Variants in IRX2 observed in about 807,000 individuals in gnomAD.
The protein encoded by IRX2 is iroquois homeobox 2, also known as iroquois-class homeodomain protein IRX-2.
In IRX2, 26 loss-of-function variants were observed where a neutral mutation model predicts 42.9. The ratio of observed to expected loss-of-function variants is 0.61; its 90% CI spans 0.44 to 0.84. The LOEUF is 0.84. Among genes scored for constraint, IRX2 ranks in the 40% least tolerant of loss-of-function variants. The pLI is 0.00. For synonymous variants in IRX2, 424 were observed against 353.9 expected (o/e 1.20, Z -2.22); for missense variants, 782 against 713.9 (o/e 1.10, Z -1.09).
chr5:2,743,954 T>C (rs1737600674), downstream of IRX2, among the ~76,000 whole-genome samples: 2 of 152,202 alleles, frequency 1.3e-5, no homozygotes, highest in African/African-American at 4.8e-5. Flanking sequence ...GTTATGGAAA[T>C]CTTTAATAAT....
At position 2,749,333 on chromosome 5, in the gene IRX2, CCTGGGAAGAAAGCGCCCCGA is replaced by C. The variant is rs761573519; in HGVS notation, c.655+29_655+48del. On this transcript the variant is annotated intron_variant, in intron 2 of 3. Transcript: ENST00000302057. ...CTCCCCGCCTTAGCTCTGCGCCCCG[CCTGGGAAGAAAGCGCCCCGA>C]GACCTTGCGCCGGCCGCTGCCCGCT... is the stretch of plus-strand genomic sequence containing the variant. 43 of 1,543,062 alleles carry C rather than the reference CCTGGGAAGAAAGCGCCCCGA, an allele frequency of 2.8e-5. No individual in the cohort carries two copies. The African/African-American group carries it at 5.5e-4, about 20-fold the overall frequency.
the IRX2 span, among the ~76,000 whole-genome samples, chr5:2,737,565 G>A: frequency 6.6e-6 from 1 of 152,180 alleles, no homozygotes. Context: ...CAGGTCTCGA[G>A]TGCTGTCCTC....
In IRX2 at chr5:2,749,530, G is replaced by C. The variant is rs1209626446; in HGVS notation, c.507C>G (p.Arg169=). 2.5e-6 allele frequency: 4 copies of C among 1,614,118 alleles called. No homozygotes were observed. The highest frequency in any genetic ancestry group is 1.3e-5 in the African/African-American group (1 of 74,944). ...TQVSTWFANA[R]RRLKKENKMT... is the part of the protein sequence containing the mutation. ...TCTTGTTCTCCTTCTTGAGGCGCCG[G>C]CGCGCGTTGGCGAACCAGGTGGAGA... Residue 169 remains arginine (R), a synonymous_variant, in exon 2 of 4, where the codon CGC becomes CGG. Transcript: ENST00000302057.
Position 2,748,332 on chromosome 5 carries a change from G to A in IRX2, c.1363+13C>T, listed in dbSNP as rs1000678137. 18 of 1,390,600 alleles carry A rather than the reference G, an allele frequency of 1.3e-5. No homozygotes were observed. The African/African-American group carries it at 2.4e-4, about 19-fold the overall frequency. 86.1% of individuals were successfully genotyped at this position (1,390,600 alleles called of 1,614,324 possible). A position where few individuals can be genotyped will look rare whatever the true frequency, so the allele number is the denominator to read the frequency against. On this transcript the variant is annotated intron_variant, in intron 3 of 3. Transcript: ENST00000302057. Reference sequence around the variant, plus strand: ...CCTCCCCTCCCGGGCGCCGCCGGCCGCGGGCCGCCTACCTTTCTTGGGCTC... The same window carrying A: ...CCTCCCCTCCCGGGCGCCGCCGGCCACGGGCCGCCTACCTTTCTTGGGCTC...
Position 2,749,757 on chromosome 5 carries a change from T to A in IRX2, c.280A>T (p.Met94Leu), listed in dbSNP as rs775816432. The A allele has an allele frequency of 3.1e-6, 5 of 1,611,158 alleles. No homozygotes were observed. The South Asian group carries it at 5.5e-5, about 18-fold the overall frequency. The stretch of plus-strand genomic sequence containing the variant: ...GGGTGGTAGCTGATGGCGCCGGTCA[T>A]GCCGGTGGTGTGCGCGTCGTAGGGT... ...GAPYDAHTTG[M>L]TGAISYHPYG... The change falls in exon 2 of 4, where the codon ATG (methionine) becomes TTG (leucine). Residue 94 changes from methionine to leucine, a missense_variant. This residue lies in a region of IRX2 where 256 missense variants were observed against 250.0 expected (regional missense o/e 1.02). Coordinates refer to ENST00000302057, the MANE Select transcript of IRX2 (RefSeq NM_033267.5).
At position 2,748,534 on chromosome 5, in the gene IRX2, A is replaced by G. The variant is rs1469395270; in HGVS notation, c.1174T>C (p.Tyr392His). Residue 392 changes from tyrosine to histidine, a missense_variant, in exon 3 of 4, where the codon TAC becomes CAC. Transcript: ENST00000302057. ...LYYTSPFYGN[Y>H]TNYGNLNAAL... is the part of the protein sequence containing the mutation. ...GCGTTCAAGTTCCCGTAGTTTGTGT[A>G]GTTGCCGTAGAAGGGCGACGTGTAG... 1.3e-6 allele frequency: 2 copies of G among 1,579,322 alleles called. No homozygotes were observed. Among genetic ancestry groups the G allele is most frequent in the Non-Finnish European group, 1.7e-6 (2 of 1,164,126 alleles).
chr5:2,736,211 G>A, the IRX2 span, among the ~76,000 whole-genome samples: 1 of 152,182 alleles, frequency 6.6e-6, no homozygotes, highest in Non-Finnish European at 1.5e-5. Flanking sequence ...GTGGGAGGAT[G>A]AGGTTCAGCA....
In IRX2 at chr5:2,748,482, C is replaced by G; in HGVS notation, c.1226G>C (p.Arg409Pro). The G allele has an allele frequency of 1.3e-6, 2 of 1,578,502 alleles. No individual in the cohort carries two copies. The highest frequency in any genetic ancestry group is 1.7e-6 in the Non-Finnish European group (2 of 1,164,556). Residue 409 changes from arginine (R) to proline (P), a missense_variant, in exon 3 of 4, where the codon CGG becomes CCG. Transcript: ENST00000302057. The part of the protein sequence containing the change: ...NAALQGQGLL[R>P]YNSAAAAPGE... ...GGGGGCCGCGGCCGCAGAGTTGTAC[C>G]GCAGGAGACCCTGGCCCTGCAGCGC...
At chr5:2,739,367 C>G in the IRX2 span, among the ~76,000 whole-genome samples, 1 of 152,236 alleles carries the variant, frequency 6.6e-6, no homozygotes, top group Admixed American at 6.5e-5. Flanking sequence ...TCGGTGTCCA[C>G]TGCCCGCCTG....
In IRX2 at chr5:2,749,766, T is replaced by G; in HGVS notation, c.271A>C (p.Thr91Pro). Residue 91 changes from threonine (T) to proline (P), a missense_variant, in exon 2 of 4, where the codon ACC becomes CCC. By Grantham distance (38) the Thr-to-Pro change is conservative (BLOSUM62 -1). Transcript: ENST00000302057. ...CTGATGGCGCCGGTCATGCCGGTGGTGTGCGCGTCGTAGGGTGCGCCCTGG... is the reference window on the plus strand; with the variant it reads ...CTGATGGCGCCGGTCATGCCGGTGGGGTGCGCGTCGTAGGGTGCGCCCTGG... ...SYMGAPYDAH[T>P]TGMTGAISYH... The G allele has an allele frequency of 1.2e-6, 2 of 1,609,618 alleles. No individual in the cohort carries two copies. Among genetic ancestry groups the G allele is most frequent in the Non-Finnish European group, 1.7e-6 (2 of 1,177,782 alleles).
Position 2,747,426 on chromosome 5 carries a change from C to A in IRX2, c.*138G>T. ...CCCCCTTAAGGAAAGAAAAGCTGGA[C>A]AAGATTGAAATGCTCTGTCTTCTAA... is the stretch of plus-strand genomic sequence containing the variant. On this transcript the variant is annotated 3_prime_UTR_variant, in exon 4 of 4. Transcript: ENST00000302057. 2 of 619,024 alleles carry A rather than the reference C, an allele frequency of 3.2e-6. No individual in the cohort carries two copies. The highest frequency in any genetic ancestry group is 2.9e-5 in the Admixed American group (1 of 34,250). 38.3% of individuals were successfully genotyped at this position (619,024 alleles called of 1,614,324 possible).
the IRX2 span, among the ~76,000 whole-genome samples, chr5:2,739,895 C>A: frequency 2.0e-5 from 3 of 152,124 alleles, no homozygotes; most frequent in African/African-American, 4.8e-5. Context: ...GGTCCCGCTG[C>A]GGCTTCAGGC....
At chr5:2,736,484 G>T in the IRX2 span, among the ~76,000 whole-genome samples, 1 of 152,168 alleles carries the variant, frequency 6.6e-6, no homozygotes, top group Non-Finnish European at 1.5e-5. Context: ...CTTTGAATAT[G>T]CTAGAAGAAA....
rs1460024262 is a variant in IRX2 at position 2,751,096 on chromosome 5, C to T, written c.249+69G>A. The T allele has an allele frequency of 3.3e-6, 4 of 1,195,022 alleles. No homozygotes were observed. The highest frequency in any genetic ancestry group is 3.6e-5 in the East Asian group (1 of 27,982). 74.0% of individuals were successfully genotyped at this position (1,195,022 alleles called of 1,614,324 possible). A position where few individuals can be genotyped will look rare whatever the true frequency, so the allele number is the denominator to read the frequency against. On this transcript the variant is annotated intron_variant, in intron 1 of 3. Transcript: ENST00000302057. The surrounding 1 kb of genome is among the most constrained non-coding windows in gnomAD (Gnocchi z 4.0). Reference sequence around the variant, plus strand: ...CGGCCCCCGCCCGCCGAACCCGAGCCCCGCTCCGCCTGAGCCCCGTCTGGG... The same window carrying T: ...CGGCCCCCGCCCGCCGAACCCGAGCTCCGCTCCGCCTGAGCCCCGTCTGGG...
chr5:2,736,041 C>T, the IRX2 span, among the ~76,000 whole-genome samples: 1 of 152,204 alleles, frequency 6.6e-6, no homozygotes, highest in East Asian at 1.9e-4. Context: ...GCTCCTTGGC[C>T]TCCTCCCATC....
At chr5:2,738,922 G>T in the IRX2 span, among the ~76,000 whole-genome samples, 2 of 152,198 alleles carry the variant, frequency 1.3e-5, no homozygotes, top group African/African-American at 4.8e-5. Flanking sequence ...GGCTGTGGCT[G>T]GAGACCCTCT....
At position 2,748,742 on chromosome 5, in the gene IRX2, G is replaced by A. The variant is rs969982413; in HGVS notation, c.966C>T (p.Pro322=). The change falls in exon 3 of 4, where the codon CCC becomes CCT. Residue 322 remains proline, a synonymous_variant. Transcript: ENST00000302057. The part of the protein sequence containing the change: ...QGSRTSPGAP[P]PASKPKLWSL... ...ACCACAGCTTGGGCTTGCTGGCGGG[G>A]GGCGGCGCGCCCGGAGACGTCCGGC... 13 of 1,365,758 alleles carry A rather than the reference G, an allele frequency of 9.5e-6. No individual in the cohort carries two copies. The highest frequency in any genetic ancestry group is 1.8e-5 in the South Asian group (1 of 56,690). The allele number at this position is 1,365,758 out of a possible 1,614,324, so 84.6% of individuals were successfully genotyped here.
chr5:2,751,417 G>A lies in IRX2; in HGVS notation c.-4C>T, dbSNP rs780954641. 3.9e-6 allele frequency: 5 copies of A among 1,297,450 alleles called. No homozygotes were observed. The highest frequency in any genetic ancestry group is 3.6e-5 in the East Asian group (1 of 27,824). 80.4% of individuals were successfully genotyped at this position (1,297,450 alleles called of 1,614,324 possible). On this transcript the variant is annotated 5_prime_UTR_variant, in exon 1 of 4. Transcript: ENST00000302057. The surrounding 1 kb of genome is among the most constrained non-coding windows in gnomAD (Gnocchi z 4.0). Reference sequence around the variant, plus strand: ...GGTAGCCCTGCGGGTAGGACATGGTGGGCGCGGGGCGCGGGGCCCGCGTCA... The same window carrying A: ...GGTAGCCCTGCGGGTAGGACATGGTAGGCGCGGGGCGCGGGGCCCGCGTCA...
chr5:2,751,219 C>A lies in IRX2; in HGVS notation c.195G>T (p.Pro65=). 1 of 1,354,298 alleles carries A rather than the reference C, an allele frequency of 7.4e-7. No individual in the cohort carries two copies. The highest frequency in any genetic ancestry group is 9.5e-7 in the Non-Finnish European group (1 of 1,054,148). The allele number at this position is 1,354,298 out of a possible 1,614,324, so 83.9% of individuals were successfully genotyped here. A position where few individuals can be genotyped will look rare whatever the true frequency, so the allele number is the denominator to read the frequency against. ...TAQAATGFGS[P]LQYSADAAAA... is the part of the protein sequence containing the mutation. ...CGGCGGCGTCGGCCGAGTACTGCAGCGGGCTCCCGAAGCCGGTGGCCGCCT... is the reference window on the plus strand; with the variant it reads ...CGGCGGCGTCGGCCGAGTACTGCAGAGGGCTCCCGAAGCCGGTGGCCGCCT... The change falls in exon 1 of 4, where the codon CCG becomes CCT. Residue 65 remains proline, a synonymous_variant. Coordinates refer to ENST00000302057, the MANE Select transcript of IRX2 (RefSeq NM_033267.5). This position sits in a 1 kb window ranked among gnomAD's most constrained non-coding sequence, Gnocchi z 4.0.
Sources: gnomAD v4.1 joint callset for allele counts (sites outside exome capture counted in the v4.1 genomes callset) on GRCh38, gnomAD v4.1.1 for gene constraint, gnomAD v4.1.1 regional missense constraint, Gnocchi (gnomAD v3.1) non-coding constraint, MANE v1.5 for transcripts, NCBI Gene and HGNC (gene_info 2026-07-23, HGNC 2026-07-21) for gene names.